The following NSD1 variants were observed in gnomAD, a reference collection of about 807,000 sequenced individuals.
NSD1 encodes the protein nuclear receptor binding SET domain protein 1.
A neutral mutation model predicts 242.7 loss-of-function variants in NSD1; 26 were observed. That is an observed-to-expected ratio of 0.11 (90% CI 0.08 to 0.15). The LOEUF (loss-of-function observed/expected upper bound fraction) is 0.15, where lower values mean the gene tolerates loss of function less well. NSD1 is among the 10% of genes least tolerant of loss of function. The pLI, the probability that NSD1 is intolerant of heterozygous loss-of-function variation, is 1.00. For synonymous variants in NSD1, 1,106 were observed against 1,178.1 expected, an observed-to-expected ratio of 0.94 and a Z score of 1.25; for missense variants, 2,495 against 3,272.8, an observed-to-expected ratio of 0.76 and a Z score of 5.80.
chr5:177,166,969 C>CACCT (rs1562144110), intron 2 of NSD1, among the ~76,000 whole-genome samples: 1 of 151,782 alleles, frequency 6.6e-6, no homozygotes, highest in Non-Finnish European at 1.5e-5. Flanking sequence ...TGGTCTTGAA[C>CACCT]ACCTGACCTC....
Position 177,135,434 on chromosome 5 carries a change from A to G in NSD1, c.331A>G (p.Ile111Val), listed in dbSNP as rs1201715787. ...AAGTGATTCAAGAGCTCAGACGCCA[A>G]TTGTTTGCACTTCCTTGAGTCCTGG... ...EKSDSRAQTP[I>V]VCTSLSPGGP... The change falls in exon 2 of 23, where the codon ATT becomes GTT. Residue 111 changes from isoleucine (I) to valine (V), a missense_variant. Physicochemically the swap from Ile to Val is conservative, Grantham distance 29. Transcript: ENST00000439151. 2 of 1,614,112 alleles carry G rather than the reference A, an allele frequency of 1.2e-6. No homozygotes were observed. Among genetic ancestry groups the G allele is most frequent in the East Asian group, 2.2e-5 (1 of 44,886 alleles).
chr5:177,281,193 G>T (rs1442259937), intron 18 of NSD1, among the ~76,000 whole-genome samples: 1 of 152,138 alleles, frequency 6.6e-6, no homozygotes. Flanking sequence ...AACATTTTTA[G>T]TGAGGAAAAA....
At position 177,299,151 on chromosome 5, in the gene NSD1, TAAG is replaced by T. The variant is rs1413396220; in HGVS notation, c.*3695_*3697del. ...GAGGCTGCTATAGTGTAAATTGAAA[TAAG>T]AATAGATCATTGTTTTGTACACACA... is the stretch of plus-strand genomic sequence containing the variant. On this transcript the variant is annotated 3_prime_UTR_variant, in exon 23 of 23. Transcript: ENST00000439151. The T allele has an allele frequency of 4.3e-6, 1 of 233,108 alleles. No individual in the cohort carries two copies. Among genetic ancestry groups the T allele is most frequent in the Non-Finnish European group, 8.5e-6 (1 of 118,034 alleles). The allele number at this position is 233,108 out of a possible 1,614,324, so 14.4% of individuals were successfully genotyped here. A position where few individuals can be genotyped will look rare whatever the true frequency, so the allele number is the denominator to read the frequency against.
Position 177,295,356 on chromosome 5 carries a change from G to C in NSD1, c.7988G>C (p.Trp2663Ser). ...GSTQTLAQTC[W>S]SLGRGQDPKP... ...ACACAGACATTGGCACAGACTTGCTGGTCTCTTGGAAGAGGGCAAGACCCC... is the reference window on the plus strand; with the variant it reads ...ACACAGACATTGGCACAGACTTGCTCGTCTCTTGGAAGAGGGCAAGACCCC... The change falls in exon 23 of 23, where the codon TGG becomes TCG. Residue 2663 changes from tryptophan (W) to serine (S), a missense_variant. Trp to Ser is a radical substitution (Grantham distance 177, BLOSUM62 -3). Around this residue, in one of 19 missense-constraint regions of NSD1, gnomAD observed 475 missense variants for 563.7 expected, o/e 0.84. Transcript: ENST00000439151. The surrounding 1 kb of genome is among the most constrained non-coding windows in gnomAD (Gnocchi z 4.3). The C allele has an allele frequency of 6.2e-7, 1 of 1,614,176 alleles. No homozygotes were observed. Among genetic ancestry groups the C allele is most frequent in the Non-Finnish European group, 8.5e-7 (1 of 1,180,040 alleles).
At chr5:177,159,897 T>A (rs6556304) in intron 2 of NSD1, among the ~76,000 whole-genome samples, 67,641 of 148,046 alleles carry the variant, frequency 0.46, 16,469 homozygotes, top group East Asian at 0.95. Context: ...CCGAATATAT[T>A]TTTTTTTTTT....
At position 177,296,813 on chromosome 5, in the gene NSD1, G is replaced by C. The variant is rs1254400055; in HGVS notation, c.*1354G>C. 2 of 233,228 alleles carry C rather than the reference G, an allele frequency of 8.6e-6. No individual in the cohort carries two copies. Among genetic ancestry groups the C allele is most frequent in the African/African-American group, 2.2e-5 (1 of 45,346 alleles). 14.4% of individuals were successfully genotyped at this position (233,228 alleles called of 1,614,324 possible). On this transcript the variant is annotated 3_prime_UTR_variant, in exon 23 of 23. Transcript: ENST00000439151. ...CTACCATTCACCCAGCTCACAGACT[G>C]CCAACAGGAAGTGCTGTTTGGCTAG...
chr5:177,136,375 T>G (rs1210873414), intron 2 of NSD1: 1 of 217,360 alleles, frequency 4.6e-6, no homozygotes, highest in Non-Finnish European at 9.3e-6. Flanking sequence ...GCACCATGAG[T>G]GCAGGTGAAC....
intron 2 of NSD1, among the ~76,000 whole-genome samples, chr5:177,164,354 A>G (rs1340178125): frequency 6.6e-6 from 1 of 151,722 alleles, no homozygotes; most frequent in African/African-American, 2.4e-5. Flanking sequence ...ACAGGGTTTC[A>G]CCATGTTGGC....
intron 5 of NSD1, among the ~76,000 whole-genome samples, chr5:177,219,322 A>C (rs531222652): frequency 1.3e-5 from 2 of 151,908 alleles, no homozygotes; most frequent in South Asian, 4.2e-4. Context: ...AGTAGCTGGG[A>C]TTACAGGTGC....
intron 17 of NSD1, among the ~76,000 whole-genome samples, chr5:177,275,289 A>C: frequency 6.7e-6 from 1 of 150,224 alleles, no homozygotes; most frequent in African/African-American, 2.5e-5. Context: ...TTATTTTTAA[A>C]CTCCTTTCCT....
intron 18 of NSD1, 141 bp downstream of exon 18, chr5:177,280,975 T>C (rs891688757): frequency 3.1e-6 from 3 of 971,974 alleles, no homozygotes; most frequent in Non-Finnish European, 4.6e-6. Flanking sequence ...GCCATATCCT[T>C]CTACCGTTTA....
At position 177,179,325 on chromosome 5, in the gene NSD1, C is replaced by T. The variant is rs190826486; in HGVS notation, c.928-12559C>T. On this transcript the variant is annotated intron_variant, in intron 2 of 22. Coordinates refer to ENST00000439151, the MANE Select transcript of NSD1 (RefSeq NM_022455.5). ...CCGCCTCCTGGGTTCAAGCAATTCT[C>T]CTGCCTCAGCCTCCCTAGTAGCAGG... Among the ~76,000 whole-genome samples the T allele has an allele frequency of 4.6e-5, 7 of 152,278 alleles. No homozygotes were observed. In the East Asian group the frequency reaches 1.2e-3, roughly 25 times the overall value.
intron 19 of NSD1, 121 bp downstream of exon 19, chr5:177,282,702 G>A: frequency 2.5e-6 from 2 of 811,744 alleles, no homozygotes; most frequent in East Asian, 2.4e-5. Flanking sequence ...ATACCCATTG[G>A]GATTGCTGGA....
intron 21 of NSD1, among the ~76,000 whole-genome samples, chr5:177,289,322 A>T (rs1759590181): frequency 6.6e-6 from 1 of 150,440 alleles, no homozygotes. Context: ...CTCCTTCTCA[A>T]AAAAAAAAAG....
intron 2 of NSD1, among the ~76,000 whole-genome samples, chr5:177,149,535 T>C (rs1278729229): frequency 2.0e-5 from 3 of 152,148 alleles, no homozygotes; most frequent in Non-Finnish European, 4.4e-5. Context: ...GAGTTTTTTC[T>C]GTAGTCTAGA....
At chr5:177,157,093 T>TA (rs1758201844) in intron 2 of NSD1, among the ~76,000 whole-genome samples, 1 of 151,904 alleles carries the variant, frequency 6.6e-6, no homozygotes. Flanking sequence ...ATAGGCCGGG[T>TA]ACGGTGGCTC....
At chr5:177,151,702 T>TA (rs1383982476) in intron 2 of NSD1, among the ~76,000 whole-genome samples, 6 of 151,006 alleles carry the variant, frequency 4.0e-5, no homozygotes, top group African/African-American at 1.5e-4. Context: ...TTTTTTTTTT[T>TA]ATCTTTTGAG....
At chr5:177,228,431 G>A (rs1764804056) in intron 5 of NSD1, among the ~76,000 whole-genome samples, 1 of 151,826 alleles carries the variant, frequency 6.6e-6, no homozygotes, top group African/African-American at 2.4e-5. Flanking sequence ...TGGCTAGGCT[G>A]GTCTTGAACT....
chr5:177,207,850 C>T (rs529626106), intron 4 of NSD1, among the ~76,000 whole-genome samples: 6 of 152,096 alleles, frequency 3.9e-5, no homozygotes, highest in African/African-American at 1.4e-4. Flanking sequence ...ACAAATGATC[C>T]TCCTACCTCA....
Sources: gnomAD v4.1 joint callset for allele counts (sites outside exome capture counted in the v4.1 genomes callset) on GRCh38, gnomAD v4.1.1 for gene constraint, gnomAD v4.1.1 regional missense constraint, Gnocchi (gnomAD v3.1) non-coding constraint, MANE v1.5 for transcripts, NCBI Gene and HGNC (gene_info 2026-07-23, HGNC 2026-07-21) for gene names.